Variants in HBS1L observed in about 807,000 individuals in gnomAD.
HBS1L encodes the protein HBS1 like translational GTPase, also known as HBS1-like protein.
A neutral mutation model predicts 88.9 loss-of-function variants in HBS1L; 55 were observed. That is an observed-to-expected ratio of 0.62 (90% CI 0.50 to 0.77). HBS1L has a LOEUF of 0.77. Among genes scored for constraint, HBS1L ranks in the 30% least tolerant of loss-of-function variants. The pLI, the probability that HBS1L is intolerant of heterozygous loss-of-function variation, is 0.00. For missense variants in HBS1L, 741 were observed against 829.3 expected, an observed-to-expected ratio of 0.89 and a Z score of 1.31; for synonymous variants, 267 against 288.5, an observed-to-expected ratio of 0.93 and a Z score of 0.76.
chr6:134,976,268 C>G (rs1176043855), intron 15 of HBS1L, among the ~76,000 whole-genome samples: 2 of 152,006 alleles, frequency 1.3e-5, no homozygotes, highest in African/African-American at 4.8e-5. Flanking sequence ...AGATGTTGCC[C>G]TGTATGCGAT....
chr6:135,010,597 A>G (rs1331685792), intron 4 of HBS1L, among the ~76,000 whole-genome samples: 3 of 152,242 alleles, frequency 2.0e-5, no homozygotes, highest in African/African-American at 7.2e-5. Context: ...GATAAATAGT[A>G]TCACAAAGTA....
At chr6:135,024,388 C>T (rs1583128277) in intron 4 of HBS1L, among the ~76,000 whole-genome samples, 2 of 141,306 alleles carry the variant, frequency 1.4e-5, no homozygotes, top group South Asian at 2.2e-4. Context: ...TGCAGTGAGC[C>T]GAGATTGCAC....
At position 134,964,628 on chromosome 6, in the gene HBS1L, G is replaced by A. The variant is rs1426560435; in HGVS notation, c.*651C>T. On this transcript the variant is annotated 3_prime_UTR_variant, in exon 18 of 18. Coordinates refer to ENST00000367837, the MANE Select transcript of HBS1L (RefSeq NM_006620.4). ...ATGTCTAAAGAACAAAACACAGTTTGTATTATGCTCAAACTAAGGCATTTT... is the reference window on the plus strand; with the variant it reads ...ATGTCTAAAGAACAAAACACAGTTTATATTATGCTCAAACTAAGGCATTTT... The A allele has an allele frequency of 6.6e-6, 1 of 152,226 alleles. No homozygotes were observed. Among genetic ancestry groups the A allele is most frequent in the East Asian group, 1.9e-4 (1 of 5,198 alleles). 9.4% of individuals were successfully genotyped at this position (152,226 alleles called of 1,614,324 possible). A position where few individuals can be genotyped will look rare whatever the true frequency, so the allele number is the denominator to read the frequency against.
At chr6:134,977,037 C>T (rs1238181917) in intron 15 of HBS1L, among the ~76,000 whole-genome samples, 1 of 151,968 alleles carries the variant, frequency 6.6e-6, no homozygotes, top group African/African-American at 2.4e-5. Context: ...AGTCCCTAAA[C>T]AGTAAAATTT....
At chr6:135,000,454 CT>C (rs1775419554) in intron 5 of HBS1L, among the ~76,000 whole-genome samples, 1 of 149,296 alleles carries the variant, frequency 6.7e-6, no homozygotes, top group South Asian at 2.1e-4. Flanking sequence ...GAGGTTTAAT[CT>C]TTCTTCTGGA....
At chr6:134,992,916 G>A (rs538843174) in intron 8 of HBS1L, among the ~76,000 whole-genome samples, 24 of 152,240 alleles carry the variant, frequency 1.6e-4, no homozygotes, top group Non-Finnish European at 2.4e-4. Context: ...TTCCAGTCCT[G>A]CGAGCTCCAT....
Position 135,039,632 on chromosome 6 carries a change from C to G in HBS1L, c.371G>C (p.Arg124Thr). Residue 124 changes from arginine to threonine, a missense_variant, in exon 4 of 18, where the codon AGA (arginine) becomes ACA (threonine). Arg to Thr is a moderately conservative substitution (Grantham distance 71, BLOSUM62 -1). Around this residue, in one of 3 missense-constraint regions of HBS1L, gnomAD observed 556 missense variants for 598.4 expected, o/e 0.93. Transcript: ENST00000367837. Reference protein sequence around the residue: ...KALSGVLEQDRVQSLKDKNEA... With the variant: ...KALSGVLEQDTVQSLKDKNEA... The stretch of plus-strand genomic sequence containing the variant: ...ATTCTTGTCCTTCAAACTCTGCACT[C>G]TATCTTGTTCCAGAACCCCTGACAA... 3.1e-6 allele frequency: 5 copies of G among 1,614,152 alleles called. No individual in the cohort carries two copies. Among genetic ancestry groups the G allele is most frequent in the Non-Finnish European group, 3.4e-6 (4 of 1,180,010 alleles).
chr6:135,037,149 C>T (rs370590113), intron 4 of HBS1L: 29 of 1,551,526 alleles, frequency 1.9e-5, no homozygotes, highest in African/African-American at 2.7e-5. Flanking sequence ...ATGCCAATGA[C>T]GACAGAGATC....
At chr6:135,036,985 T>C (rs1280798097) in intron 4 of HBS1L, 1 of 1,551,540 alleles carries the variant, frequency 6.4e-7, no homozygotes, top group East Asian at 2.4e-5. Context: ...GACACTAAGA[T>C]CAATATTTGA....
chr6:135,046,230 C>T (rs1776907292), intron 2 of HBS1L, among the ~76,000 whole-genome samples: 1 of 134,432 alleles, frequency 7.4e-6, no homozygotes, highest in South Asian at 2.7e-4. Context: ...GAAGCCTTCC[C>T]AGACTCCTTC....
At chr6:135,042,712 G>A (rs1410617485) in intron 2 of HBS1L, among the ~76,000 whole-genome samples, 2 of 151,814 alleles carry the variant, frequency 1.3e-5, no homozygotes, top group Non-Finnish European at 2.9e-5. Flanking sequence ...AGGAGGCTGA[G>A]GCAGGCAGGG....
At chr6:135,051,203 G>A (rs1016327270) in intron 1 of HBS1L, among the ~76,000 whole-genome samples, 1 of 151,140 alleles carries the variant, frequency 6.6e-6, no homozygotes, top group Non-Finnish European at 1.5e-5. Flanking sequence ...CAGCCTGGGC[G>A]ACAGAGCAAG....
At chr6:135,014,322 G>T (rs949748681) in intron 4 of HBS1L, among the ~76,000 whole-genome samples, 1 of 152,158 alleles carries the variant, frequency 6.6e-6, no homozygotes. Flanking sequence ...TTTATTTTAT[G>T]AAAGACTGCC....
At chr6:134,967,899 T>C (rs1439615956) in intron 16 of HBS1L, among the ~76,000 whole-genome samples, 3 of 152,192 alleles carry the variant, frequency 2.0e-5, no homozygotes, top group Non-Finnish European at 4.4e-5. Flanking sequence ...CATATAGTTA[T>C]ATCGTGTTTC....
At position 134,969,666 on chromosome 6, in the gene HBS1L, G is replaced by A. The variant is rs1188644529; in HGVS notation, c.1798-328C>T. ...TTCTAAAGATTAAGTAAGAGAATTC[G>A]TCATTTAGAACAAATGTTGTTGTCA... On this transcript the variant is annotated intron_variant, in intron 15 of 17. Coordinates refer to ENST00000367837, the MANE Select transcript of HBS1L (RefSeq NM_006620.4). Among the ~76,000 whole-genome samples, 4 of 152,134 alleles carry A rather than the reference G, an allele frequency of 2.6e-5. No individual in the cohort carries two copies. In the East Asian group the frequency reaches 5.8e-4, roughly 22 times the overall value.
At chr6:135,006,245 G>T (rs934253894) in intron 4 of HBS1L, among the ~76,000 whole-genome samples, 1 of 152,202 alleles carries the variant, frequency 6.6e-6, no homozygotes, top group Non-Finnish European at 1.5e-5. Flanking sequence ...TGATGCACTA[G>T]GAGAAAGCAG....
In HBS1L at chr6:134,963,353, G is replaced by A. The variant is rs1478218952; in HGVS notation, c.*1926C>T. The A allele has an allele frequency of 1.3e-5, 2 of 152,174 alleles. No individual in the cohort carries two copies. Among genetic ancestry groups the A allele is most frequent in the East Asian group, 3.9e-4 (2 of 5,186 alleles). 9.4% of individuals were successfully genotyped at this position (152,174 alleles called of 1,614,324 possible). ...TTTAGTCTGTCCTTGCCCTGGATGG[G>A]AGATCTGAGGATGTAAGTGTGGAAT... is the stretch of plus-strand genomic sequence containing the variant. On this transcript the variant is annotated 3_prime_UTR_variant, in exon 18 of 18. Coordinates refer to ENST00000367837, the MANE Select transcript of HBS1L (RefSeq NM_006620.4).
At chr6:135,033,602 A>T in intron 4 of HBS1L, among the ~76,000 whole-genome samples, 1 of 152,064 alleles carries the variant, frequency 6.6e-6, no homozygotes, top group Non-Finnish European at 1.5e-5. Flanking sequence ...TATAATATCT[A>T]ATTTTTTCCC....
chr6:135,020,852 G>T (rs920499218), intron 4 of HBS1L, among the ~76,000 whole-genome samples: 1 of 151,828 alleles, frequency 6.6e-6, no homozygotes. Context: ...ATTAAAAAGG[G>T]TCTATGTGTG....
Sources: gnomAD v4.1 joint callset for allele counts (sites outside exome capture counted in the v4.1 genomes callset) on GRCh38, gnomAD v4.1.1 for gene constraint, gnomAD v4.1.1 regional missense constraint, MANE v1.5 for transcripts, NCBI Gene and HGNC (gene_info 2026-07-23, HGNC 2026-07-21) for gene names.